The following CCNB3 variants were observed in gnomAD, a reference collection of about 807,000 sequenced individuals.
The protein encoded by CCNB3 is cyclin B3, also known as G2/mitotic-specific cyclin-B3.
Under a neutral mutation model 68.0 loss-of-function variants are expected in CCNB3, and 12 were observed. The ratio of observed to expected loss-of-function variants is 0.18; its 90% CI spans 0.11 to 0.29. CCNB3 has a LOEUF of 0.29. Ranked by LOEUF, CCNB3 falls within the 10% of genes least tolerant of loss-of-function variation. CCNB3 has a pLI of 1.00. For synonymous variants in CCNB3, 354 were observed against 388.9 expected (o/e 0.91, Z 1.06); for missense variants, 904 against 993.1 (o/e 0.91, Z 1.21).
intron 8 of CCNB3, among the ~76,000 whole-genome samples, chrX:50,341,502 A>G (rs782803023): frequency 9.2e-6 from 1 of 108,403 alleles, no homozygotes; most frequent in Non-Finnish European, 1.9e-5. Flanking sequence ...AGAAATAATA[A>G]AGACGATGGC....
chrX:50,346,660 C>T lies in CCNB3; in HGVS notation c.3663C>T (p.Asn1221=). 8.3e-7 allele frequency: 1 copy of T among 1,209,886 alleles called. No homozygotes were observed. The highest frequency in any genetic ancestry group is 3.0e-5 in the East Asian group (1 of 33,788). ...FMIAAKFEEH[N]SPRVDDFVYI... ...CTCCTCTCCACCCATAGGAGCACAA[C>T]TCACCTCGTGTGGATGACTTTGTGT... is the stretch of plus-strand genomic sequence containing the variant. Residue 1221 remains asparagine (N), a synonymous_variant, in exon 10 of 13, where the codon AAC becomes AAT. Coordinates refer to ENST00000376042, the MANE Select transcript of CCNB3 (RefSeq NM_033031.3).
chrX:50,279,532 A>C (rs1354774227), intron 1 of CCNB3, among the ~76,000 whole-genome samples: 46 of 84,594 alleles, frequency 5.4e-4, no homozygotes, highest in African/African-American at 2.0e-3. Context: ...AAGATATATG[A>C]ATATATATTC....
intron 1 of CCNB3, among the ~76,000 whole-genome samples, chrX:50,280,186 T>C (rs1357574974): frequency 1.1e-5 from 1 of 90,983 alleles, no homozygotes; most frequent in African/African-American, 4.1e-5. Flanking sequence ...TATATATAAA[T>C]ATATATAGAA....
intron 5 of CCNB3, among the ~76,000 whole-genome samples, chrX:50,301,887 T>C (rs1431682228): frequency 8.9e-6 from 1 of 112,432 alleles, no homozygotes; most frequent in Non-Finnish European, 1.9e-5. Context: ...CTCAGACTGC[T>C]GTGCTAGCAA....
intron 8 of CCNB3, among the ~76,000 whole-genome samples, chrX:50,332,309 A>G (rs1255008570): frequency 9.0e-6 from 1 of 111,580 alleles, no homozygotes; most frequent in African/African-American, 3.3e-5. Flanking sequence ...TTCCTGGGCT[A>G]CATACCTTGT....
chrX:50,228,616 GAATA>G (rs1386865433), intron 1 of CCNB3, among the ~76,000 whole-genome samples: 12 of 76,685 alleles, frequency 1.6e-4, no homozygotes, highest in Admixed American at 5.6e-4. Context: ...AGAATATATA[GAATA>G]TATATAGAAT....
intron 1 of CCNB3, among the ~76,000 whole-genome samples, chrX:50,220,573 T>C (rs1235028993): frequency 2.7e-5 from 3 of 112,145 alleles, no homozygotes; most frequent in African/African-American, 9.7e-5. Flanking sequence ...ATTACGTTTA[T>C]TGATTTGCGT....
At chrX:50,218,612 C>T (rs1935618799) in intron 1 of CCNB3, among the ~76,000 whole-genome samples, 1 of 111,889 alleles carries the variant, frequency 8.9e-6, no homozygotes, top group African/African-American at 3.3e-5. Flanking sequence ...GACATGAACT[C>T]ATCCTTTTTT....
intron 1 of CCNB3, among the ~76,000 whole-genome samples, chrX:50,205,838 C>G (rs1280637661): frequency 9.3e-6 from 1 of 107,018 alleles, no homozygotes; most frequent in East Asian, 3.0e-4. Context: ...TCTGTAGCTA[C>G]TTGGGAGGCT....
chrX:50,319,749 A>AC (rs1921919877), intron 8 of CCNB3, among the ~76,000 whole-genome samples: 1 of 111,846 alleles, frequency 8.9e-6, no homozygotes, highest in Non-Finnish European at 1.9e-5. Context: ...GGATTTTTGT[A>AC]AACACCTTTG....
intron 12 of CCNB3, 50 bp downstream of exon 12, chrX:50,351,421 G>A (rs782676690): frequency 5.4e-5 from 64 of 1,188,396 alleles, no homozygotes; most frequent in Non-Finnish European, 6.9e-5. Context: ...TTTATTGGGA[G>A]GCTTTAAAAT....
chrX:50,294,079 G>A (rs1382374568), intron 4 of CCNB3, among the ~76,000 whole-genome samples: 2 of 110,286 alleles, frequency 1.8e-5, no homozygotes, highest in South Asian at 4.0e-4. Context: ...TGGGACCATA[G>A]GCATGTGCCA....
intron 5 of CCNB3, among the ~76,000 whole-genome samples, chrX:50,300,325 C>T (rs1285032326): frequency 9.0e-6 from 1 of 111,196 alleles, no homozygotes; most frequent in Non-Finnish European, 1.9e-5. Context: ...TTAGGGCAGG[C>T]CTGGTGGTGA....
intron 1 of CCNB3, among the ~76,000 whole-genome samples, chrX:50,283,841 C>T (rs1290185865): frequency 1.8e-5 from 2 of 110,466 alleles, no homozygotes. Context: ...GCCCCTGTCC[C>T]CAACAAGATT....
intron 4 of CCNB3, among the ~76,000 whole-genome samples, chrX:50,293,399 T>G (rs988284697): frequency 3.6e-5 from 4 of 111,080 alleles, no homozygotes; most frequent in Non-Finnish European, 7.6e-5. Context: ...ACTTCTTGTC[T>G]TTTGCTAGCT....
intron 8 of CCNB3, among the ~76,000 whole-genome samples, chrX:50,332,954 A>G (rs947318862): frequency 8.9e-6 from 1 of 111,825 alleles, no homozygotes; most frequent in African/African-American, 3.3e-5. Flanking sequence ...GGCCTATGAT[A>G]CAGTATTTCA....
Position 50,351,590 on chromosome X carries a change from C to T in CCNB3, c.4092-17C>T. ...TTGCCCTATTCTATGCTGAGGAGAC[C>T]CCTCTTCCTTTTGCAGGGTCTTCTT... On this transcript the variant is annotated splice_polypyrimidine_tract_variant and intron_variant, in intron 12 of 12. Transcript: ENST00000376042. 8.4e-7 allele frequency: 1 copy of T among 1,192,283 alleles called. No homozygotes were observed.
chrX:50,228,731 AATATAGAAACATATAGAAT>A (rs1935987371), intron 1 of CCNB3, among the ~76,000 whole-genome samples: 1 of 69,297 alleles, frequency 1.4e-5, no homozygotes, highest in African/African-American at 5.6e-5. Flanking sequence ...ATATATATAG[AATATAGAAACATATAGAAT>A]ATATAGAAAT....
intron 8 of CCNB3, chrX:50,341,907 T>C (rs1379138428): frequency 5.6e-5 from 13 of 231,023 alleles, no homozygotes; most frequent in Middle Eastern, 1.4e-3. Flanking sequence ...GTATTAGAGA[T>C]CAAAGGGAGA....
Sources: allele counts gnomAD v4.1 joint callset (sites outside exome capture counted in the v4.1 genomes callset), GRCh38; gene constraint gnomAD v4.1.1; transcripts MANE v1.5; gene names NCBI Gene and HGNC (gene_info 2026-07-23, HGNC 2026-07-21).